NUDT13: variants seen among roughly 807,000 people sequenced by gnomAD.
The protein encoded by NUDT13 is nudix hydrolase 13.
NUDT13 carries 40 observed loss-of-function variants against 41.7 expected under a neutral mutation model. The ratio of observed to expected loss-of-function variants is 0.96; its 90% CI spans 0.75 to 1.25. NUDT13 has a LOEUF of 1.25. NUDT13 is among the 50% of genes most tolerant of loss of function. The pLI is 0.00. For missense variants in NUDT13, 390 were observed against 416.1 expected, an observed-to-expected ratio of 0.94 and a Z score of 0.55; for synonymous variants, 145 against 155.5, an observed-to-expected ratio of 0.93 and a Z score of 0.50.
In NUDT13 at chr10:73,130,691, T is replaced by A. The variant is rs7083730; in HGVS notation, c.859-12T>A. The A allele has an allele frequency of 0.083, 133,073 of 1,610,782 alleles. 8,282 individuals carry two copies. Among genetic ancestry groups the A allele is most frequent in the East Asian group, 0.28 (12,646 of 44,774 alleles). On this transcript the variant is annotated splice_polypyrimidine_tract_variant and intron_variant, in intron 8 of 8. Transcript: ENST00000357321. ...CCTGACCTTACATCCTTTTCTTCCT[T>A]ATGTCTTTCAGATCCAGGTGAACTT...
In NUDT13 at chr10:73,112,299, G is replaced by C. The variant is rs898507441; in HGVS notation, c.-10+1732G>C. On this transcript the variant is annotated intron_variant, in intron 1 of 8. Transcript: ENST00000357321. ...ACCCGGGAGGTGGAGGTTGCGGTGA[G>C]CCGAGATTGCGCCATTGCACTCCAG... Among the ~76,000 whole-genome samples, 5 of 152,214 alleles carry C rather than the reference G, an allele frequency of 3.3e-5. No individual in the cohort carries two copies. The South Asian group carries it at 6.2e-4, about 19-fold the overall frequency.
In NUDT13 at chr10:73,120,154, T is replaced by C; in HGVS notation, c.220T>C (p.Leu74=). ...ATACCTGGCCCCCCGGCACAGCCTGTTAGGTAAGTCCAGAGTGGACCAGTG... is the reference window on the plus strand; with the variant it reads ...ATACCTGGCCCCCCGGCACAGCCTGCTAGGTAAGTCCAGAGTGGACCAGTG... ...HQYLAPRHSL[L]ELERLLGKFG... Residue 74 remains leucine (L), a synonymous_variant, in exon 3 of 9, where the codon TTA becomes CTA. Transcript: ENST00000357321. 6.2e-7 allele frequency: 1 copy of C among 1,614,164 alleles called. No individual in the cohort carries two copies. Among genetic ancestry groups the C allele is most frequent in the Non-Finnish European group, 8.5e-7 (1 of 1,180,008 alleles).
Position 73,130,942 on chromosome 10 carries a change from G to T in NUDT13, c.*39G>T. On this transcript the variant is annotated 3_prime_UTR_variant, in exon 9 of 9. Transcript: ENST00000357321. ...ACTTAGATCGCTCCTTGGTATTCCT[G>T]AGGGACAAACTAGAGATCAGTTGAC... 1 of 1,542,830 alleles carries T rather than the reference G, an allele frequency of 6.5e-7. No homozygotes were observed. The highest frequency in any genetic ancestry group is 1.1e-5 in the South Asian group (1 of 89,206).
intron 2 of NUDT13, chr10:73,114,825 C>A (rs1842468032): frequency 6.5e-6 from 1 of 152,762 alleles, no homozygotes; most frequent in Admixed American, 6.5e-5. Flanking sequence ...AGGGTTGTGC[C>A]CCATACTCCG....
intron 3 of NUDT13, 102 bp downstream of exon 3, chr10:73,120,259 G>C: frequency 8.0e-7 from 1 of 1,254,302 alleles, no homozygotes; most frequent in Non-Finnish European, 1.1e-6. Flanking sequence ...TTGGAGTCTA[G>C]ATTTTTCAGA....
Position 73,114,424 on chromosome 10 carries a change from T to C in NUDT13, c.59T>C (p.Leu20Pro), listed in dbSNP as rs1371851575. ...AAATTTTTTTGGTGCTATAGGCTGC[T>C]GTCAACCTATGTTACTAAGACACGG... is the stretch of plus-strand genomic sequence containing the variant. ...RRKFFWCYRL[L>P]STYVTKTRYL... Residue 20 changes from leucine to proline, a missense_variant, in exon 2 of 9, where the codon CTG becomes CCG. Transcript: ENST00000357321. 1.3e-6 allele frequency: 2 copies of C among 1,590,548 alleles called. No homozygotes were observed. Among genetic ancestry groups the C allele is most frequent in the Non-Finnish European group, 8.6e-7 (1 of 1,164,862 alleles).
Position 73,125,169 on chromosome 10 carries a change from G to A in NUDT13, c.517G>A (p.Gly173Arg), listed in dbSNP as rs1271592776. The change falls in exon 6 of 9, where the codon GGG becomes AGG. Residue 173 changes from glycine (G) to arginine (R), a missense_variant. Coordinates refer to ENST00000357321, the MANE Select transcript of NUDT13 (RefSeq NM_015901.6). ...HDAHQFCSRS[G>R]QPTKKNVAGS... ...TGCTCATCAGTTCTGCAGCAGAAGT[G>A]GGCAGCCCACCAAGAAGAACGTGGC... 1.2e-6 allele frequency: 2 copies of A among 1,613,552 alleles called. No homozygotes were observed. Among genetic ancestry groups the A allele is most frequent in the African/African-American group, 1.3e-5 (1 of 74,912 alleles).
Position 73,119,940 on chromosome 10 carries a change from G to A in NUDT13, c.84-78G>A, listed in dbSNP as rs1408333720. On this transcript the variant is annotated intron_variant, in intron 2 of 8. Transcript: ENST00000357321. ...AACCATGGTAAGAGAGGGATGCAGC[G>A]ACAGCATTCTCAAAGATGAATGCTA... 1.2e-5 allele frequency: 17 copies of A among 1,387,726 alleles called. No homozygotes were observed. In the Middle Eastern group the frequency reaches 5.4e-4, roughly 44 times the overall value. 86.0% of individuals were successfully genotyped at this position (1,387,726 alleles called of 1,614,324 possible). A position where few individuals can be genotyped will look rare whatever the true frequency, so the allele number is the denominator to read the frequency against.
At chr10:73,121,841 G>A (rs1842652403) in intron 3 of NUDT13, among the ~76,000 whole-genome samples, 1 of 152,052 alleles carries the variant, frequency 6.6e-6, no homozygotes, top group Non-Finnish European at 1.5e-5. Flanking sequence ...TTTTAAGTGT[G>A]ATACTTATTT....
At chr10:73,124,679 C>T (rs1247284905) in intron 5 of NUDT13, 3 of 207,892 alleles carry the variant, frequency 1.4e-5, no homozygotes, top group Non-Finnish European at 2.9e-5. Flanking sequence ...GCCCTCACAG[C>T]TTTAGATTTC....
Position 73,122,333 on chromosome 10 carries a change from G to A in NUDT13, c.358+24G>A, listed in dbSNP as rs751768172. The stretch of plus-strand genomic sequence containing the variant: ...TGGTACATGACATTATTCCTAACGG[G>A]TACTTCCCAGTGGTCTTCAGAATTT... On this transcript the variant is annotated intron_variant, in intron 4 of 8. Coordinates refer to ENST00000357321, the MANE Select transcript of NUDT13 (RefSeq NM_015901.6). The A allele has an allele frequency of 2.5e-6, 4 of 1,591,936 alleles. No homozygotes were observed. The African/African-American group carries it at 4.1e-5, about 16-fold the overall frequency.
rs1171429083 is a variant in NUDT13, at chr10:73,131,289, A to C, written c.*386A>C. On this transcript the variant is annotated 3_prime_UTR_variant, in exon 9 of 9. Coordinates refer to ENST00000357321, the MANE Select transcript of NUDT13 (RefSeq NM_015901.6). ...AATGTGCCTGTTGTAAGTTTGGTTA[A>C]AACTTTTATCTTAGTATTGAAAATA... is the stretch of plus-strand genomic sequence containing the variant. 5.2e-6 allele frequency: 1 copy of C among 193,666 alleles called. No homozygotes were observed. The highest frequency in any genetic ancestry group is 1.1e-5 in the Non-Finnish European group (1 of 91,148). 12.0% of individuals were successfully genotyped at this position (193,666 alleles called of 1,614,324 possible). A position where few individuals can be genotyped will look rare whatever the true frequency, so the allele number is the denominator to read the frequency against.
At position 73,125,052 on chromosome 10, in the gene NUDT13, C is replaced by G. The variant is rs545541775; in HGVS notation, c.466-66C>G. 10 of 1,528,370 alleles carry G rather than the reference C, an allele frequency of 6.5e-6. No homozygotes were observed. The East Asian group carries it at 2.3e-4, about 35-fold the overall frequency. The allele number at this position is 1,528,370 out of a possible 1,614,324, so 94.7% of individuals were successfully genotyped here. A position where few individuals can be genotyped will look rare whatever the true frequency, so the allele number is the denominator to read the frequency against. On this transcript the variant is annotated intron_variant, in intron 5 of 8. Transcript: ENST00000357321. ...TGTGAGTTGTTCCAGACACTAGGCCCAGTGCTGTTAAAGATGAGCCCCGCA... is the reference window on the plus strand; with the variant it reads ...TGTGAGTTGTTCCAGACACTAGGCCGAGTGCTGTTAAAGATGAGCCCCGCA...
chr10:73,111,303 G>T (rs1842361471), intron 1 of NUDT13, among the ~76,000 whole-genome samples: 1 of 152,098 alleles, frequency 6.6e-6, no homozygotes, highest in African/African-American at 2.4e-5. Flanking sequence ...TAAATACTAG[G>T]GAACCTGGCC....
At chr10:73,114,871 C>G (rs1842469536) in intron 2 of NUDT13, 1 of 152,338 alleles carries the variant, frequency 6.6e-6, no homozygotes, top group African/African-American at 2.4e-5. Context: ...CCAAGGAGAA[C>G]CTGAACAGAC....
chr10:73,122,778 CCTT>C (rs1842677639), intron 4 of NUDT13, among the ~76,000 whole-genome samples: 2 of 151,186 alleles, frequency 1.3e-5, no homozygotes, highest in African/African-American at 4.9e-5. Context: ...ATGGGGGTCT[CCTT>C]ATGTTGCCCA....
At position 73,114,340 on chromosome 10, in the gene NUDT13, T is replaced by C. The variant is rs1589651311; in HGVS notation, c.-9-17T>C. The C allele has an allele frequency of 2.8e-5, 6 of 211,262 alleles. No individual in the cohort carries two copies. Among genetic ancestry groups the C allele is most frequent in the East Asian group, 2.3e-4 (1 of 4,408 alleles). The allele number at this position is 211,262 out of a possible 1,614,324, so 13.1% of individuals were successfully genotyped here. On this transcript the variant is annotated splice_polypyrimidine_tract_variant and intron_variant, in intron 1 of 8. Coordinates refer to ENST00000357321, the MANE Select transcript of NUDT13 (RefSeq NM_015901.6). ...ATATTATGACTTTTTTTAAAACTCC[T>C]TTTTTTTTTTTTTAAGGACCTGACA...
intron 3 of NUDT13, among the ~76,000 whole-genome samples, chr10:73,121,322 T>C (rs1489710745): frequency 6.6e-6 from 1 of 152,228 alleles, no homozygotes; most frequent in Non-Finnish European, 1.5e-5. Flanking sequence ...TGCCAGTGAA[T>C]TTCTCCCATA....
chr10:73,125,543 GA>G (rs1354262891), intron 7 of NUDT13, 34 bp downstream of exon 7: 17 of 1,332,936 alleles, frequency 1.3e-5, no homozygotes, highest in Non-Finnish European at 1.7e-5. Context: ...GGTGACACTG[GA>G]AGATATACAA....
Sources: allele counts gnomAD v4.1 joint callset (sites outside exome capture counted in the v4.1 genomes callset), GRCh38; gene constraint gnomAD v4.1.1; transcripts MANE v1.5; gene names NCBI Gene and HGNC (gene_info 2026-07-23, HGNC 2026-07-21).